CNTLN: variants seen among roughly 807,000 people sequenced by gnomAD.
CNTLN encodes the protein centlein, centrosomal protein.
In CNTLN, 212 loss-of-function variants were observed where a neutral mutation model predicts 180.0. The observed-to-expected ratio is 1.18, with a 90% CI of 1.05 to 1.32. CNTLN has a LOEUF of 1.32. CNTLN is among the 40% of genes most tolerant of loss of function. The pLI, the probability that CNTLN is intolerant of heterozygous loss-of-function variation, is 0.00. For missense variants in CNTLN, 2,095 were observed against 1,610.9 expected (o/e 1.30, Z -5.14); for synonymous variants, 722 against 563.1 (o/e 1.28, Z -3.99).
At chr9:17,269,818 C>G (rs1827803034) in intron 5 of CNTLN, among the ~76,000 whole-genome samples, 1 of 151,992 alleles carries the variant, frequency 6.6e-6, no homozygotes, top group Non-Finnish European at 1.5e-5. Context: ...TATTTTGGTT[C>G]TAGACCACCA....
At chr9:17,231,220 T>C (rs1824792145) in intron 3 of CNTLN, among the ~76,000 whole-genome samples, 3 of 152,170 alleles carry the variant, frequency 2.0e-5, no homozygotes, top group Non-Finnish European at 4.4e-5. Context: ...CTGAAAAATA[T>C]TAAATAGCTC....
intron 16 of CNTLN, among the ~76,000 whole-genome samples, 159 bp from the exon 17 acceptor site, chr9:17,415,629 C>G (rs1344567796): frequency 6.6e-6 from 1 of 151,958 alleles, no homozygotes; most frequent in African/African-American, 2.4e-5. Flanking sequence ...GTCTCAAACT[C>G]CTGGCCTCAA....
rs561138132 is a variant in CNTLN at position 17,291,722 on chromosome 9, T to G, written c.984-6468T>G. Reference sequence around the variant, plus strand: ...GTCTTTGCATGTGAGATGGGTCTCTTAAATCCAGCACGTTGATGAGTCTTG... The same window carrying G: ...GTCTTTGCATGTGAGATGGGTCTCTGAAATCCAGCACGTTGATGAGTCTTG... On this transcript the variant is annotated intron_variant, in intron 6 of 25. Coordinates refer to ENST00000380647, the MANE Select transcript of CNTLN (RefSeq NM_017738.4). Among the ~76,000 whole-genome samples the G allele has an allele frequency of 1.9e-4, 29 of 152,330 alleles. No individual in the cohort carries two copies. In the South Asian group the frequency reaches 6.0e-3, roughly 32 times the overall value.
intron 2 of CNTLN, among the ~76,000 whole-genome samples, chr9:17,151,232 G>A (rs1008941126): frequency 5.3e-5 from 8 of 152,070 alleles, no homozygotes; most frequent in Non-Finnish European, 8.8e-5. Context: ...GCTGGTTTTC[G>A]AAGGGAATGC....
At chr9:17,502,130 G>A (rs968176624) in intron 25 of CNTLN, among the ~76,000 whole-genome samples, 19 of 152,168 alleles carry the variant, frequency 1.2e-4, no homozygotes, top group African/African-American at 4.1e-4. Flanking sequence ...CGGCTCTAAC[G>A]CAGACATGTG....
chr9:17,361,480 G>T (rs1823386970), intron 12 of CNTLN, among the ~76,000 whole-genome samples: 1 of 152,144 alleles, frequency 6.6e-6, no homozygotes, highest in South Asian at 2.1e-4. Context: ...TCTGTTTATA[G>T]CTCCTGTTGT....
At chr9:17,300,929 C>T (rs1031368530) in intron 7 of CNTLN, 17 of 966,024 alleles carry the variant, frequency 1.8e-5, no homozygotes, top group Admixed American at 6.2e-5. Flanking sequence ...CATTTTACTT[C>T]CTTTATTCTA....
chr9:17,284,760 A>C (rs199729431), intron 6 of CNTLN, among the ~76,000 whole-genome samples: 1 of 151,898 alleles, frequency 6.6e-6, no homozygotes, highest in Non-Finnish European at 1.5e-5. Flanking sequence ...ATCTCCTTCA[A>C]TTCTGCTCTG....
At chr9:17,185,801 G>GTGTGTGTGTGTGTGTGTA (rs1563859396) in intron 2 of CNTLN, among the ~76,000 whole-genome samples, 1 of 150,234 alleles carries the variant, frequency 6.7e-6, no homozygotes, top group Non-Finnish European at 1.5e-5. Context: ...GTGTGTGTGT[G>GTGTGTGTGTGTGTGTGTA]TATCTGTGTG....
At chr9:17,486,811 G>A (rs951858761) in intron 24 of CNTLN, among the ~76,000 whole-genome samples, 178 bp from the exon 25 acceptor site, 11 of 152,006 alleles carry the variant, frequency 7.2e-5, no homozygotes, top group East Asian at 1.9e-4. Flanking sequence ...TCCGTAGTAC[G>A]TATCGATAAA....
In CNTLN at chr9:17,156,773, C is replaced by A. The variant is rs1586944217; in HGVS notation, c.449+13397C>A. Among the ~76,000 whole-genome samples, 4 of 152,134 alleles carry A rather than the reference C, an allele frequency of 2.6e-5. No homozygotes were observed. In the South Asian group the frequency reaches 8.3e-4, roughly 32 times the overall value. On this transcript the variant is annotated intron_variant, in intron 2 of 25. Coordinates refer to ENST00000380647, the MANE Select transcript of CNTLN (RefSeq NM_017738.4). ...AAGCAAATATTACAATAAAGCAAGT[C>A]ACACAAATTTTTTAGTTTCCCATTG...
chr9:17,490,923 A>G (rs1456206249), intron 25 of CNTLN, among the ~76,000 whole-genome samples: 1 of 152,122 alleles, frequency 6.6e-6, no homozygotes, highest in African/African-American at 2.4e-5. Context: ...AGTAAATGAT[A>G]TAAATATTTT....
intron 25 of CNTLN, among the ~76,000 whole-genome samples, chr9:17,495,330 G>A (rs1833395269): frequency 1.3e-5 from 2 of 152,070 alleles, no homozygotes; most frequent in South Asian, 4.2e-4. Flanking sequence ...CTCCGTTTGT[G>A]TTATTGTCCC....
intron 5 of CNTLN, among the ~76,000 whole-genome samples, chr9:17,268,832 C>G (rs1373555673): frequency 6.6e-6 from 1 of 151,696 alleles, no homozygotes; most frequent in Non-Finnish European, 1.5e-5. Context: ...GGCGTAGGAC[C>G]CTCTGAGCCA....
intron 8 of CNTLN, among the ~76,000 whole-genome samples, chr9:17,328,125 CATATA>C (rs1392323150): frequency 3.3e-5 from 5 of 152,148 alleles, no homozygotes; most frequent in South Asian, 2.1e-4. Flanking sequence ...TCTATTTCTA[CATATA>C]ATATACCCTT....
At chr9:17,232,424 A>G (rs1262430363) in intron 3 of CNTLN, among the ~76,000 whole-genome samples, 2 of 151,922 alleles carry the variant, frequency 1.3e-5, no homozygotes, top group East Asian at 3.9e-4. Context: ...CCAAAATCTA[A>G]ATTATTAAAT....
chr9:17,318,617 A>G (rs1465941398), intron 8 of CNTLN, among the ~76,000 whole-genome samples: 1 of 152,182 alleles, frequency 6.6e-6, no homozygotes. Flanking sequence ...TGAATTTGCT[A>G]TTTTTTGAGG....
chr9:17,168,613 G>A (rs1338857734), intron 2 of CNTLN: 1 of 152,140 alleles, frequency 6.6e-6, no homozygotes, highest in Admixed American at 6.5e-5. Flanking sequence ...TTGCATATAA[G>A]TTAGCATAGC....
At chr9:17,414,051 G>A (rs935852095) in intron 16 of CNTLN, among the ~76,000 whole-genome samples, 6 of 152,168 alleles carry the variant, frequency 3.9e-5, no homozygotes, top group East Asian at 3.8e-4. Context: ...AACTATTGAC[G>A]TATACAATGT....
Sources: gnomAD v4.1 joint callset for allele counts (sites outside exome capture counted in the v4.1 genomes callset) on GRCh38, gnomAD v4.1.1 for gene constraint, MANE v1.5 for transcripts, NCBI Gene and HGNC (gene_info 2026-07-23, HGNC 2026-07-21) for gene names.